The following PYHIN1 variants were observed in gnomAD, a reference collection of about 807,000 sequenced individuals.
PYHIN1 encodes the protein pyrin and HIN domain family member 1, also known as pyrin and HIN domain-containing protein 1.
In PYHIN1, 32 loss-of-function variants were observed where a neutral mutation model predicts 43.7. The observed-to-expected ratio is 0.73, with a 90% CI of 0.55 to 0.98. The LOEUF (loss-of-function observed/expected upper bound fraction) is 0.98, where lower values mean the gene tolerates loss of function less well. Ranked by LOEUF, PYHIN1 falls within the 50% of genes least tolerant of loss-of-function variation. PYHIN1 has a pLI of 0.00. For missense variants in PYHIN1, 588 were observed against 589.5 expected (o/e 1.00, Z 0.03); for synonymous variants, 205 against 203.1 (o/e 1.01, Z -0.08).
intron 2 of PYHIN1, among the ~76,000 whole-genome samples, chr1:158,937,917 C>A (rs192985152): frequency 1.2e-4 from 18 of 151,420 alleles, no homozygotes; most frequent in African/African-American, 4.1e-4. Context: ...TGCACTCCCG[C>A]CTGGGCGACA....
intron 1 of PYHIN1, among the ~76,000 whole-genome samples, chr1:158,936,196 G>A (rs1193155618): frequency 1.4e-5 from 2 of 140,154 alleles, no homozygotes; most frequent in Non-Finnish European, 3.1e-5. Context: ...ATCACCTAAT[G>A]CTATCCCTCC....
chr1:158,972,547 A>G (rs778341158), intron 7 of PYHIN1, among the ~76,000 whole-genome samples: 104 of 151,982 alleles, frequency 6.8e-4, no homozygotes, highest in Non-Finnish European at 1.1e-3. Context: ...GTACACAAAG[A>G]TGAAGAAATA....
intron 7 of PYHIN1, among the ~76,000 whole-genome samples, chr1:158,956,432 T>G (rs1649936904): frequency 6.6e-6 from 1 of 152,032 alleles, no homozygotes; most frequent in Non-Finnish European, 1.5e-5. Context: ...ATCCCTGGGA[T>G]GCAAGGCTGG....
At chr1:158,932,820 T>C (rs1047644305) in intron 1 of PYHIN1, among the ~76,000 whole-genome samples, 3 of 152,154 alleles carry the variant, frequency 2.0e-5, no homozygotes, top group Admixed American at 6.5e-5. Context: ...AAGTTAATGA[T>C]GTTTTATTTT....
At chr1:158,942,945 T>C (rs1649004714) in intron 5 of PYHIN1, among the ~76,000 whole-genome samples, 1 of 152,096 alleles carries the variant, frequency 6.6e-6, no homozygotes. Context: ...GGCTGAGAAA[T>C]ATAAATTTGG....
intron 7 of PYHIN1, among the ~76,000 whole-genome samples, chr1:158,952,721 G>A (rs1404849368): frequency 2.0e-5 from 3 of 152,154 alleles, no homozygotes; most frequent in Non-Finnish European, 4.4e-5. Context: ...TGAGCATAAT[G>A]TTGTTTAAGA....
At chr1:158,983,729 A>G in the PYHIN1 span, among the ~76,000 whole-genome samples, 1 of 152,082 alleles carries the variant, frequency 6.6e-6, no homozygotes, top group African/African-American at 2.4e-5. Flanking sequence ...GCTCCTCCTT[A>G]TCTATCAGGT....
intron 4 of PYHIN1, among the ~76,000 whole-genome samples, chr1:158,940,563 C>CT (rs1213088326): frequency 7.2e-5 from 11 of 152,044 alleles, no homozygotes; most frequent in African/African-American, 2.7e-4. Flanking sequence ...CAGCAATAGT[C>CT]TAAAAACTAA....
chr1:158,938,613 C>G, intron 3 of PYHIN1, 71 bp downstream of exon 3: 2 of 1,515,862 alleles, frequency 1.3e-6, no homozygotes, highest in South Asian at 2.4e-5. Context: ...TCCACTCAAT[C>G]TGTCCAGCAG....
intron 7 of PYHIN1, among the ~76,000 whole-genome samples, chr1:158,968,414 G>T (rs969046371): frequency 1.3e-5 from 2 of 152,042 alleles, no homozygotes; most frequent in Non-Finnish European, 2.9e-5. Context: ...ACACCAATCA[G>T]AATGACTGTT....
intron 7 of PYHIN1, among the ~76,000 whole-genome samples, chr1:158,955,242 C>T (rs1384302517): frequency 6.6e-6 from 1 of 152,124 alleles, no homozygotes. Context: ...CAGCTCTGCA[C>T]CAACCGGACC....
downstream of PYHIN1, among the ~76,000 whole-genome samples, chr1:158,978,257 G>A (rs1571796543): frequency 6.6e-6 from 1 of 150,830 alleles, no homozygotes; most frequent in East Asian, 1.9e-4. Context: ...ATATTCATAT[G>A]TGTGTGTGTG....
At chr1:158,935,940 T>G (rs1648510118) in intron 1 of PYHIN1, among the ~76,000 whole-genome samples, 1 of 152,138 alleles carries the variant, frequency 6.6e-6, no homozygotes, top group Admixed American at 6.5e-5. Context: ...CTATCCTCAT[T>G]CAATGGGATG....
chr1:158,948,189 T>A (rs2101672505), intron 7 of PYHIN1, among the ~76,000 whole-genome samples: 1 of 152,318 alleles, frequency 6.6e-6, no homozygotes, highest in South Asian at 2.1e-4. Flanking sequence ...TAACATAAGA[T>A]AATCATGAAT....
At chr1:158,958,001 A>C (rs1650063136) in intron 7 of PYHIN1, among the ~76,000 whole-genome samples, 1 of 152,218 alleles carries the variant, frequency 6.6e-6, no homozygotes, top group Non-Finnish European at 1.5e-5. Flanking sequence ...AAACACATGA[A>C]AAAATGCTCA....
Position 158,939,070 on chromosome 1 carries a change from C to G in PYHIN1, c.412-10C>G. ...GAAAGTAATTAACAAGAAAAATAAA[C>G]TACTTGTAGAAAAGAAAAAAACCAT... On this transcript the variant is annotated splice_polypyrimidine_tract_variant and intron_variant, in intron 3 of 8. Transcript: ENST00000368140. 1 of 1,564,786 alleles carries G rather than the reference C, an allele frequency of 6.4e-7. No homozygotes were observed. Among genetic ancestry groups the G allele is most frequent in the Non-Finnish European group, 8.6e-7 (1 of 1,160,112 alleles).
At chr1:158,962,276 A>G (rs1183529497) in intron 7 of PYHIN1, among the ~76,000 whole-genome samples, 1 of 152,056 alleles carries the variant, frequency 6.6e-6, no homozygotes, top group Non-Finnish European at 1.5e-5. Flanking sequence ...TTTGGTGACT[A>G]TAGCATCTCT....
chr1:158,983,777 G>A, the PYHIN1 span, among the ~76,000 whole-genome samples: 85 of 151,994 alleles, frequency 5.6e-4, no homozygotes, highest in Admixed American at 1.2e-3. Flanking sequence ...CATGGCTTTT[G>A]TTGGTTTGTA....
rs1278693780 is a variant in PYHIN1 at position 158,976,692 on chromosome 1, T to TGCC, written c.*6-7_*6-6insCGC. ...CAACGGGTTTATTTTTATCTCTTTA[T>TGCC]GCTTCAAGGTCACCAAGGACAAGGA... On this transcript the variant is annotated splice_polypyrimidine_tract_variant and intron_variant, in intron 8 of 8. Coordinates refer to ENST00000368140, the MANE Select transcript of PYHIN1 (RefSeq NM_152501.5). 2 of 1,586,986 alleles carry TGCC rather than the reference T, an allele frequency of 1.3e-6. No homozygotes were observed. The highest frequency in any genetic ancestry group is 3.5e-5 in the Admixed American group (2 of 57,248).
Sources: gnomAD v4.1 joint callset for allele counts (sites outside exome capture counted in the v4.1 genomes callset) on GRCh38, gnomAD v4.1.1 for gene constraint, MANE v1.5 for transcripts, NCBI Gene and HGNC (gene_info 2026-07-23, HGNC 2026-07-21) for gene names.